PPP4R4: variants seen among roughly 807,000 people sequenced by gnomAD.
PPP4R4 encodes the protein protein phosphatase 4 regulatory subunit 4.
A neutral mutation model predicts 121.8 loss-of-function variants in PPP4R4; 70 were observed. The ratio of observed to expected loss-of-function variants is 0.57; its 90% confidence interval spans 0.47 to 0.70. The LOEUF (loss-of-function observed/expected upper bound fraction) is 0.70. Ranked by LOEUF, PPP4R4 falls within the 30% of genes least tolerant of loss-of-function variation. The probability of loss-of-function intolerance (pLI) is 0.00; values close to 1 mark genes in which losing one functional copy is unlikely to be tolerated. For synonymous variants in PPP4R4, 348 were observed against 355.7 expected, an observed-to-expected ratio of 0.98 and a Z score of 0.24; for missense variants, 875 against 1,033.6, an observed-to-expected ratio of 0.85 and a Z score of 2.10.
intron 11 of PPP4R4, among the ~76,000 whole-genome samples, chr14:94,244,114 C>A (rs552673397): frequency 6.6e-6 from 1 of 152,162 alleles, no homozygotes; most frequent in South Asian, 2.1e-4. Flanking sequence ...ACAAGGGGAA[C>A]TGTATTATTC....
chr14:94,231,363 T>G, intron 5 of PPP4R4, 48 bp downstream of exon 5: 2 of 1,434,632 alleles, frequency 1.4e-6, no homozygotes, highest in Non-Finnish European at 1.9e-6. Context: ...CACTCTAAGG[T>G]TTTTTTTTAA....
intron 2 of PPP4R4, among the ~76,000 whole-genome samples, chr14:94,195,947 A>G (rs1484852407): frequency 6.6e-6 from 1 of 152,044 alleles, no homozygotes; most frequent in African/African-American, 2.4e-5. Flanking sequence ...ATAGTGAGCA[A>G]TATCACCCTA....
intron 2 of PPP4R4, among the ~76,000 whole-genome samples, chr14:94,191,194 C>T (rs1460840203): frequency 6.6e-6 from 1 of 152,058 alleles, no homozygotes. Context: ...TCTTGTTATA[C>T]TGTTTTGAAA....
intron 5 of PPP4R4, among the ~76,000 whole-genome samples, chr14:94,232,111 A>G (rs1892071184): frequency 6.6e-6 from 1 of 152,288 alleles, no homozygotes; most frequent in Non-Finnish European, 1.5e-5. Context: ...TTGTTTGCCT[A>G]TTAATTTTCA....
intron 3 of PPP4R4, among the ~76,000 whole-genome samples, chr14:94,216,382 T>A (rs936197513): frequency 3.3e-5 from 5 of 152,192 alleles, no homozygotes; most frequent in Non-Finnish European, 5.9e-5. Flanking sequence ...GAGGAAGAGG[T>A]GCCCACCACA....
At chr14:94,214,601 G>T (rs913247056) in intron 3 of PPP4R4, among the ~76,000 whole-genome samples, 5 of 151,806 alleles carry the variant, frequency 3.3e-5, no homozygotes, top group African/African-American at 9.7e-5. Context: ...TATGTCTCCT[G>T]TATATGGGTA....
At chr14:94,233,620 T>C in intron 5 of PPP4R4, 33 bp from the exon 6 acceptor site, 1 of 1,412,572 alleles carries the variant, frequency 7.1e-7, no homozygotes, top group South Asian at 1.2e-5. Context: ...GTATAAAATT[T>C]TGTGAATTTT....
At chr14:94,266,756 A>G (rs975021118) in intron 22 of PPP4R4, among the ~76,000 whole-genome samples, 2 of 152,164 alleles carry the variant, frequency 1.3e-5, no homozygotes, top group African/African-American at 4.8e-5. Context: ...TGATGAAGCA[A>G]AAGTTTAAGG....
At chr14:94,209,844 G>A (rs1890651191) in intron 3 of PPP4R4, among the ~76,000 whole-genome samples, 1 of 152,028 alleles carries the variant, frequency 6.6e-6, no homozygotes, top group Non-Finnish European at 1.5e-5. Flanking sequence ...ACTTTGCATT[G>A]AGCAGGTAAA....
At chr14:94,244,868 A>G (rs987717872) in intron 12 of PPP4R4, among the ~76,000 whole-genome samples, 156 bp downstream of exon 12, 2 of 152,132 alleles carry the variant, frequency 1.3e-5, no homozygotes, top group Non-Finnish European at 2.9e-5. Flanking sequence ...TAAATAGGAT[A>G]TTGGGAAGAT....
chr14:94,198,465 G>A (rs1192816216), intron 2 of PPP4R4, among the ~76,000 whole-genome samples: 2 of 152,138 alleles, frequency 1.3e-5, no homozygotes, highest in Non-Finnish European at 2.9e-5. Flanking sequence ...TTTTATGCCA[G>A]TCTATGGCTT....
Position 94,234,588 on chromosome 14 carries a change from T to C in PPP4R4, c.650T>C (p.Val217Ala), listed in dbSNP as rs1237035434. ...ATTAAGCGAGAAATACTTCCTCTGG[T>C]AAAATCACTCTGTCAAGATGTAGAA... ...HTIKREILPL[V>A]KSLCQDVEYE... The change falls in exon 7 of 25, where the codon GTA (valine) becomes GCA (alanine). Residue 217 changes from valine to alanine, a missense_variant. By Grantham distance (64) the Val-to-Ala change is moderately conservative. Transcript: ENST00000304338. 3 of 1,605,950 alleles carry C rather than the reference T, an allele frequency of 1.9e-6. No homozygotes were observed. Among genetic ancestry groups the C allele is most frequent in the Non-Finnish European group, 2.6e-6 (3 of 1,173,270 alleles).
At chr14:94,189,373 C>A (rs1420733395) in intron 2 of PPP4R4, among the ~76,000 whole-genome samples, 3 of 152,146 alleles carry the variant, frequency 2.0e-5, no homozygotes, top group Non-Finnish European at 4.4e-5. Context: ...ATAATTATTT[C>A]ACGTAGCTTT....
intron 3 of PPP4R4, chr14:94,227,398 T>G: frequency 1.9e-6 from 3 of 1,599,636 alleles, no homozygotes; most frequent in Non-Finnish European, 2.6e-6. Flanking sequence ...GAACTCTTAT[T>G]GTATTATGTT....
chr14:94,210,705 T>C (rs1890698629), intron 3 of PPP4R4, among the ~76,000 whole-genome samples: 2 of 152,134 alleles, frequency 1.3e-5, no homozygotes, highest in South Asian at 4.1e-4. Context: ...AGAGAACAAG[T>C]ATAATAGAGT....
intron 3 of PPP4R4, among the ~76,000 whole-genome samples, chr14:94,211,114 A>G (rs1322313121): frequency 2.6e-5 from 4 of 152,216 alleles, no homozygotes; most frequent in African/African-American, 4.8e-5. Context: ...TCATTCATTC[A>G]TAAATATTTA....
rs560887215 is a variant in PPP4R4, at chr14:94,274,598, C to A, written c.2450-776C>A. Among the ~76,000 whole-genome samples the A allele has an allele frequency of 4.6e-5, 7 of 152,250 alleles. No homozygotes were observed. The South Asian group carries it at 6.2e-4, about 14-fold the overall frequency. ...CCAAGGAGATATCACTTCACACTTG[C>A]TAGAATGTCTAAAACTAGAAAGACT... is the stretch of plus-strand genomic sequence containing the variant. On this transcript the variant is annotated intron_variant, in intron 23 of 24. Transcript: ENST00000304338.
rs1335398407 is a variant in PPP4R4 at position 94,240,812 on chromosome 14, G to A, written c.976+17G>A. 6.7e-7 allele frequency: 1 copy of A among 1,483,578 alleles called. No homozygotes were observed. The highest frequency in any genetic ancestry group is 8.9e-7 in the Non-Finnish European group (1 of 1,121,430). The allele number at this position is 1,483,578 out of a possible 1,614,324, so 91.9% of individuals were successfully genotyped here. ...GACTATATGGTATGATATATCCTAA[G>A]AATTTTGAGACTGTAGATAATTTTT... On this transcript the variant is annotated intron_variant, in intron 9 of 24. Transcript: ENST00000304338.
chr14:94,265,730 A>G, intron 21 of PPP4R4, 64 bp from the exon 22 acceptor site: 3 of 1,167,550 alleles, frequency 2.6e-6, no homozygotes, highest in South Asian at 2.7e-5. Context: ...TGGGGAGGGA[A>G]TGGGGGTTGG....
Sources: gnomAD v4.1 joint callset for allele counts (sites outside exome capture counted in the v4.1 genomes callset) on GRCh38, gnomAD v4.1.1 for gene constraint, MANE v1.5 for transcripts, NCBI Gene and HGNC (gene_info 2026-07-23, HGNC 2026-07-21) for gene names.